Variants in DOCK1 observed in about 807,000 individuals in gnomAD.
DOCK1 encodes the protein dedicator of cytokinesis protein 1.
In DOCK1, 138 loss-of-function variants were observed where a neutral mutation model predicts 262.7. That is an observed-to-expected ratio of 0.53 (90% CI 0.46 to 0.61). The LOEUF (loss-of-function observed/expected upper bound fraction) is 0.61, where lower values mean the gene tolerates loss of function less well. Ranked by LOEUF, DOCK1 falls within the 20% of genes least tolerant of loss-of-function variation. The pLI, the probability that DOCK1 is intolerant of heterozygous loss-of-function variation, is 0.00. For missense variants in DOCK1, 1,908 were observed against 2,370.7 expected (o/e 0.80, Z 4.05); for synonymous variants, 866 against 867.4 (o/e 1.00, Z 0.03).
At chr10:127,343,505 A>C (rs1049050238) in intron 30 of DOCK1, 141 bp from the exon 31 acceptor site, 17 of 639,708 alleles carry the variant, frequency 2.7e-5, no homozygotes, top group Admixed American at 1.7e-4. Flanking sequence ...GCTGGTTAGC[A>C]ACATGTATAG....
At chr10:127,236,131 A>G (rs958729810) in intron 27 of DOCK1, among the ~76,000 whole-genome samples, 18 of 152,076 alleles carry the variant, frequency 1.2e-4, no homozygotes, top group Admixed American at 8.5e-4. Flanking sequence ...TTTAAGTTCA[A>G]TTTATCAATT....
At position 127,430,269 on chromosome 10, in the gene DOCK1, C is replaced by CG. The variant is rs988692096; in HGVS notation, c.4915-3008dup. The stretch of plus-strand genomic sequence containing the variant: ...TCTCTCGCCCTCCCTCCACAGCTGC[C>CG]GGGGGGACCCATCCCAGTAGTTCTC... On this transcript the variant is annotated intron_variant, in intron 47 of 51. Transcript: ENST00000623213. Among the ~76,000 whole-genome samples, 14 of 152,194 alleles carry CG rather than the reference C, an allele frequency of 9.2e-5. No individual in the cohort carries two copies. In the East Asian group the frequency reaches 9.7e-4, roughly 11 times the overall value.
intron 29 of DOCK1, among the ~76,000 whole-genome samples, chr10:127,262,355 TCAAA>T (rs2060204172): frequency 6.6e-6 from 1 of 152,120 alleles, no homozygotes; most frequent in Non-Finnish European, 1.5e-5. Context: ...TCTCAGAAGC[TCAAA>T]CAAACCCATA....
intron 39 of DOCK1, among the ~76,000 whole-genome samples, 158 bp from the exon 40 acceptor site, chr10:127,404,167 C>T (rs919648326): frequency 6.6e-6 from 1 of 152,040 alleles, no homozygotes; most frequent in Non-Finnish European, 1.5e-5. Context: ...AATTCAGGTG[C>T]AAGCCTCAGT....
At chr10:127,361,960 T>G (rs1003988771) in intron 32 of DOCK1, 104 bp from the exon 33 acceptor site, 10 of 1,289,274 alleles carry the variant, frequency 7.8e-6, no homozygotes, top group African/African-American at 3.0e-5. Context: ...GGGATCCTGC[T>G]GCTCAAAGTC....
chr10:126,936,919 ACT>A (rs2034594824), intron 1 of DOCK1, among the ~76,000 whole-genome samples: 5 of 152,072 alleles, frequency 3.3e-5, no homozygotes, highest in Non-Finnish European at 1.5e-5. Context: ...CCCCAAAGCA[ACT>A]CTGTGCCCAT....
At position 127,266,839 on chromosome 10, in the gene DOCK1, A is replaced by G. The variant is rs980120477; in HGVS notation, c.3044+9410A>G. ...TTTGAGCCTTCTTCCTCTCCAAGAA[A>G]ACTGGCCTAACCTGAGACATTTCAC... On this transcript the variant is annotated intron_variant, in intron 29 of 51. Transcript: ENST00000623213. 7.2e-5 allele frequency among the ~76,000 whole-genome samples: 11 copies of G among 152,332 alleles called. 1 individual carries two copies. Among genetic ancestry groups the G allele is most frequent in the African/African-American group, 2.6e-4 (11 of 41,578 alleles).
At position 127,100,289 on chromosome 10, in the gene DOCK1, G is replaced by C. The variant is rs549167459; in HGVS notation, c.2446-5942G>C. 1.3e-5 allele frequency among the ~76,000 whole-genome samples: 2 copies of C among 152,228 alleles called. No homozygotes were observed. The highest frequency in any genetic ancestry group is 1.9e-4 in the East Asian group (1 of 5,142). On this transcript the variant is annotated intron_variant, in intron 23 of 51. Transcript: ENST00000623213. This position sits in a 1 kb window ranked among gnomAD's most constrained non-coding sequence, Gnocchi z 5.5. ...GTGCGGCCCAGGTGCTGTTTGTTCC[G>C]GGGGGAGTTAACAGCCTGAACCGAG...
chr10:127,404,379 G>C lies in DOCK1; in HGVS notation c.4072G>C (p.Asp1358His), dbSNP rs1488151491. ...CGTCAAAGTGATCAGGCCCAAGCCT[G>C]ACTATTTTGCTGTTGGCTACTACGG... ...NIVKVIRPKP[D>H]YFAVGYYGQG... Residue 1358 changes from aspartate (D) to histidine (H), a missense_variant, in exon 40 of 52, where the codon GAC (aspartate) becomes CAC (histidine). Physicochemically the swap from Asp to His is moderately conservative, Grantham distance 81. Transcript: ENST00000623213. The C allele has an allele frequency of 6.2e-7, 1 of 1,613,962 alleles. No individual in the cohort carries two copies. Among genetic ancestry groups the C allele is most frequent in the Non-Finnish European group, 8.5e-7 (1 of 1,179,880 alleles).
chr10:127,044,861 GTACCATTT>G (rs2044238811), intron 21 of DOCK1, among the ~76,000 whole-genome samples: 2 of 152,088 alleles, frequency 1.3e-5, no homozygotes, highest in South Asian at 4.1e-4. Flanking sequence ...CAAACAAAAA[GTACCATTT>G]TTTCTTTATG....
intron 38 of DOCK1, among the ~76,000 whole-genome samples, chr10:127,393,344 G>A (rs140297735): frequency 3.3e-5 from 5 of 152,252 alleles, no homozygotes; most frequent in East Asian, 1.9e-4. Flanking sequence ...CTGTCTCCTC[G>A]TGGCCCATTT....
chr10:127,035,410 C>T (rs745495761), intron 18 of DOCK1, among the ~76,000 whole-genome samples: 14 of 152,068 alleles, frequency 9.2e-5, no homozygotes, highest in Non-Finnish European at 1.3e-4. Flanking sequence ...CTGTGAGTCC[C>T]GGTAATAAGG....
intron 21 of DOCK1, among the ~76,000 whole-genome samples, chr10:127,049,475 C>A (rs2044567902): frequency 6.6e-6 from 1 of 152,064 alleles, no homozygotes; most frequent in Non-Finnish European, 1.5e-5. Context: ...GAGCCACGAT[C>A]ACGCTACTGC....
At chr10:127,068,709 C>A (rs1333730784) in intron 23 of DOCK1, among the ~76,000 whole-genome samples, 1 of 152,026 alleles carries the variant, frequency 6.6e-6, no homozygotes, top group African/African-American at 2.4e-5. Flanking sequence ...TAGCATTATC[C>A]TATATATATA....
intron 30 of DOCK1, among the ~76,000 whole-genome samples, chr10:127,340,709 A>C (rs1038396110): frequency 1.3e-5 from 2 of 152,224 alleles, no homozygotes; most frequent in Admixed American, 1.3e-4. Flanking sequence ...CCTTGAGAGC[A>C]GCCACTTTCT....
At chr10:127,173,513 C>T (rs552074229) in intron 27 of DOCK1, among the ~76,000 whole-genome samples, 1 of 152,288 alleles carries the variant, frequency 6.6e-6, no homozygotes, top group South Asian at 2.1e-4. Context: ...TCAGCCCTCT[C>T]AGGTTCTTCT....
At chr10:126,966,993 G>A (rs2037725209) in intron 1 of DOCK1, among the ~76,000 whole-genome samples, 1 of 152,116 alleles carries the variant, frequency 6.6e-6, no homozygotes. Context: ...AGATGGACTC[G>A]ACCAGGGAGA....
chr10:127,085,819 T>C (rs537268847), intron 23 of DOCK1, among the ~76,000 whole-genome samples: 21 of 152,280 alleles, frequency 1.4e-4, no homozygotes, highest in African/African-American at 5.1e-4. Context: ...GAGTTCTTCA[T>C]AGAGAACAGA....
At chr10:127,059,463 A>G (rs2045391963) in intron 22 of DOCK1, among the ~76,000 whole-genome samples, 1 of 152,130 alleles carries the variant, frequency 6.6e-6, no homozygotes, top group African/African-American at 2.4e-5. Flanking sequence ...ATATGCCTGC[A>G]CATTCCTAGC....
Sources: gnomAD v4.1 joint callset for allele counts (sites outside exome capture counted in the v4.1 genomes callset) on GRCh38, gnomAD v4.1.1 for gene constraint, Gnocchi (gnomAD v3.1) non-coding constraint, MANE v1.5 for transcripts, NCBI Gene and HGNC (gene_info 2026-07-23, HGNC 2026-07-21) for gene names.